The following GPC1 variants were observed in gnomAD, a reference collection of about 807,000 sequenced individuals.
GPC1 encodes the protein glypican-1.
A neutral mutation model predicts 51.5 loss-of-function variants in GPC1; 26 were observed. The observed-to-expected ratio is 0.50, with a 90% CI of 0.37 to 0.70. The LOEUF is 0.70. GPC1 is among the 30% of genes least tolerant of loss of function. The pLI, the probability that GPC1 is intolerant of heterozygous loss-of-function variation, is 0.00. For missense variants in GPC1, 775 were observed against 800.5 expected (o/e 0.97, Z 0.38); for synonymous variants, 380 against 348.3 (o/e 1.09, Z -1.01).
chr2:240,458,185 C>T (rs1012848444), intron 1 of GPC1: 2 of 418,594 alleles, frequency 4.8e-6, no homozygotes, highest in African/African-American at 4.1e-5. Flanking sequence ...CGATGCACAC[C>T]CTTTAAAAAA....
At chr2:240,460,983 G>A (rs1382503568) in intron 2 of GPC1, among the ~76,000 whole-genome samples, 1 of 152,192 alleles carries the variant, frequency 6.6e-6, no homozygotes, top group Non-Finnish European at 1.5e-5. Context: ...GGAGCCCTGT[G>A]TCCGCCCCCC....
intron 1 of GPC1, among the ~76,000 whole-genome samples, chr2:240,439,353 C>G (rs1476165496): frequency 6.6e-6 from 1 of 152,110 alleles, no homozygotes; most frequent in Non-Finnish European, 1.5e-5. Flanking sequence ...TTCTCAGGGT[C>G]TCCCAGCCTG....
intron 1 of GPC1, among the ~76,000 whole-genome samples, chr2:240,456,280 C>T (rs1248349236): frequency 2.6e-5 from 4 of 152,168 alleles, no homozygotes; most frequent in South Asian, 2.1e-4. Flanking sequence ...CGGGCCTCAC[C>T]TCTCCATGCC....
chr2:240,446,659 A>G (rs570389265), intron 1 of GPC1, among the ~76,000 whole-genome samples: 3 of 152,242 alleles, frequency 2.0e-5, no homozygotes, highest in African/African-American at 7.2e-5. Context: ...TCGGCCTCCC[A>G]TGCTGCCTTA....
chr2:240,438,302 G>A (rs1330961559), intron 1 of GPC1, among the ~76,000 whole-genome samples: 1 of 152,186 alleles, frequency 6.6e-6, no homozygotes, highest in African/African-American at 2.4e-5. Context: ...GGGACCCAGG[G>A]TACAGAAGAC....
intron 1 of GPC1, among the ~76,000 whole-genome samples, chr2:240,438,116 C>T (rs1397460694): frequency 6.6e-6 from 1 of 152,230 alleles, no homozygotes; most frequent in Non-Finnish European, 1.5e-5. Flanking sequence ...AGCTGTCTAA[C>T]CACGGTGCCA....
At chr2:240,465,033 C>G (rs779585937) in intron 6 of GPC1, 44 bp from the exon 7 acceptor site, 1 of 1,575,698 alleles carries the variant, frequency 6.3e-7, no homozygotes, top group East Asian at 2.3e-5. Context: ...CAGGCAGAGG[C>G]GGGCGGGCCC....
At position 240,435,874 on chromosome 2, in the gene GPC1, C is replaced by T; in HGVS notation, c.-45C>T. On this transcript the variant is annotated 5_prime_UTR_variant, in exon 1 of 9. Transcript: ENST00000264039. ...AACTGCGCAGGACCCGGCCAGGATC[C>T]GAGAGAGGCGCGGGCGGGTGGCCGG... The T allele has an allele frequency of 1.7e-6, 2 of 1,183,864 alleles. No homozygotes were observed. Among genetic ancestry groups the T allele is most frequent in the Non-Finnish European group, 2.1e-6 (2 of 946,482 alleles). The allele number at this position is 1,183,864 out of a possible 1,614,324, so 73.3% of individuals were successfully genotyped here.
At chr2:240,445,878 G>C (rs943150544) in intron 1 of GPC1, among the ~76,000 whole-genome samples, 1 of 152,164 alleles carries the variant, frequency 6.6e-6, no homozygotes, top group Non-Finnish European at 1.5e-5. Context: ...TATTAGGCCC[G>C]TTGCGGCTCC....
At chr2:240,442,999 A>C (rs1014821541) in intron 1 of GPC1, among the ~76,000 whole-genome samples, 1 of 152,232 alleles carries the variant, frequency 6.6e-6, no homozygotes, top group African/African-American at 2.4e-5. Context: ...CAGGCCCTGC[A>C]CAGCTACTGG....
Position 240,448,285 on chromosome 2 carries a change from C to T in GPC1, c.167-10745C>T, listed in dbSNP as rs2074066005. Among the ~76,000 whole-genome samples the T allele has an allele frequency of 1.3e-5, 2 of 152,172 alleles. No homozygotes were observed. The highest frequency in any genetic ancestry group is 4.8e-5 in the African/African-American group (2 of 41,442). On this transcript the variant is annotated intron_variant, in intron 1 of 8. Transcript: ENST00000264039. This position sits in a 1 kb window ranked among gnomAD's most constrained non-coding sequence, Gnocchi z 4.5. ...CCCAGGCTGTCTGCCTCCTGGATCTCATGTGCCCGCCCCAGGCAGTGTCCC... is the reference window on the plus strand; with the variant it reads ...CCCAGGCTGTCTGCCTCCTGGATCTTATGTGCCCGCCCCAGGCAGTGTCCC...
intron 1 of GPC1, among the ~76,000 whole-genome samples, chr2:240,457,266 C>T (rs987090851): frequency 1.3e-5 from 2 of 152,194 alleles, no homozygotes; most frequent in African/African-American, 4.8e-5. Context: ...GGCCCTCCCT[C>T]GCTCTCCCAG....
rs372507983 is a variant in GPC1 at position 240,466,027 on chromosome 2, C to T, written c.1445-31C>T. 218 of 1,459,982 alleles carry T rather than the reference C, an allele frequency of 1.5e-4. No homozygotes were observed. In the African/African-American group the frequency reaches 2.8e-3, roughly 19 times the overall value. 90.4% of individuals were successfully genotyped at this position (1,459,982 alleles called of 1,614,324 possible). A position where few individuals can be genotyped will look rare whatever the true frequency, so the allele number is the denominator to read the frequency against. ...GCTGCACTGGGGTCTCCTGTGGGGA[C>T]CTGCCTGCCGGAGCCTCCTCTCCTT... On this transcript the variant is annotated intron_variant, in intron 8 of 8. Transcript: ENST00000264039.
chr2:240,455,626 G>A (rs1252285122), intron 1 of GPC1, among the ~76,000 whole-genome samples: 4 of 152,196 alleles, frequency 2.6e-5, no homozygotes, highest in East Asian at 1.9e-4. Context: ...TGAGCTGAGA[G>A]AAGTGGTGGG....
intron 1 of GPC1, among the ~76,000 whole-genome samples, chr2:240,437,137 G>C (rs2151784189): frequency 6.6e-6 from 1 of 152,320 alleles, no homozygotes; most frequent in East Asian, 1.9e-4. Flanking sequence ...GTGGGAGTGC[G>C]GGTGGAGGGC....
chr2:240,451,702 T>C, intron 1 of GPC1: 1 of 204,720 alleles, frequency 4.9e-6, no homozygotes, highest in South Asian at 7.8e-5. Context: ...ATCCCCAGTC[T>C]GAGGCCACAG....
At position 240,462,200 on chromosome 2, in the gene GPC1, A is replaced by T. The variant is rs767700600; in HGVS notation, c.335A>T (p.Gln112Leu). 3 of 1,594,852 alleles carry T rather than the reference A, an allele frequency of 1.9e-6. No individual in the cohort carries two copies. Among genetic ancestry groups the T allele is most frequent in the African/African-American group, 1.3e-5 (1 of 74,594 alleles). Residue 112 changes from glutamine (Q) to leucine (L), a missense_variant, in exon 3 of 9, where the codon CAG becomes CTG. Gln to Leu is a moderately radical substitution (Grantham distance 113). Transcript: ENST00000264039. ...CCCTCCCTGTGCGCAGACCACTTCC[A>T]GCACCTGCTGAACGACTCGGAGCGG... ...TQLRSFDDHF[Q>L]HLLNDSERTL...
At chr2:240,458,258 T>G (rs2074186865) in intron 1 of GPC1, 5 of 330,794 alleles carry the variant, frequency 1.5e-5, no homozygotes, top group Non-Finnish European at 3.2e-5. Context: ...ACAGCAGGGC[T>G]GAGAGCTGAC....
At position 240,467,651 on chromosome 2, in the gene GPC1, G is replaced by A. The variant is rs1282705590; in HGVS notation, c.*1361G>A. 1 of 152,430 alleles carries A rather than the reference G, an allele frequency of 6.6e-6. No homozygotes were observed. The highest frequency in any genetic ancestry group is 1.5e-5 in the Non-Finnish European group (1 of 68,182). 9.4% of individuals were successfully genotyped at this position (152,430 alleles called of 1,614,324 possible). A position where few individuals can be genotyped will look rare whatever the true frequency, so the allele number is the denominator to read the frequency against. The stretch of plus-strand genomic sequence containing the variant: ...GTCCTGAACCGACTGACCCTGAGGA[G>A]GCCGCTTAGTGCTGCTTTGCTTTTC... On this transcript the variant is annotated 3_prime_UTR_variant, in exon 9 of 9. Transcript: ENST00000264039.
Sources: allele counts gnomAD v4.1 joint callset (sites outside exome capture counted in the v4.1 genomes callset), GRCh38; gene constraint gnomAD v4.1.1; non-coding constraint Gnocchi (gnomAD v3.1); transcripts MANE v1.5; gene names NCBI Gene and HGNC (gene_info 2026-07-23, HGNC 2026-07-21).